Variants in TP73 observed in about 807,000 individuals in gnomAD.
The protein encoded by TP73 is tumor protein p73, also known as p53-like transcription factor.
TP73 carries 25 observed loss-of-function variants against 62.5 expected under a neutral mutation model. The ratio of observed to expected loss-of-function variants is 0.40; its 90% confidence interval spans 0.29 to 0.56. The LOEUF is 0.56. Among genes scored for constraint, TP73 ranks in the 20% least tolerant of loss-of-function variants. The pLI, the probability that TP73 is intolerant of heterozygous loss-of-function variation, is 0.46. For synonymous variants in TP73, 423 were observed against 377.5 expected (o/e 1.12, Z -1.40); for missense variants, 754 against 913.3 (o/e 0.83, Z 2.25).
intron 1 of TP73, among the ~76,000 whole-genome samples, chr1:3,674,491 C>A (rs544499537): frequency 2.6e-5 from 4 of 152,374 alleles, no homozygotes; most frequent in Admixed American, 2.6e-4. Flanking sequence ...TCCTCCTCAC[C>A]AGGCCCTGCG....
chr1:3,709,312 G>A (rs2368539), intron 4 of TP73, among the ~76,000 whole-genome samples: 144,101 of 152,288 alleles, frequency 0.95, 68,722 homozygotes, highest in African/African-American at 0.99. Flanking sequence ...CACCTCCTCC[G>A]GGGCCTCCCA....
In TP73 at chr1:3,701,506, CT is replaced by C. The variant is rs1557534585; in HGVS notation, c.187-6037del. ...CATCCTACGAAGTCCACGTTGATTT[CT>C]TTTTTGGTTTTTTTCGAGACAGAGT... On this transcript the variant is annotated intron_variant, in intron 3 of 13. Transcript: ENST00000378295. This position sits in a 1 kb window ranked among gnomAD's most constrained non-coding sequence, Gnocchi z 4.7. 6.6e-6 allele frequency among the ~76,000 whole-genome samples: 1 copy of C among 152,166 alleles called. No homozygotes were observed. The highest frequency in any genetic ancestry group is 2.1e-4 in the South Asian group (1 of 4,810).
intron 3 of TP73, chr1:3,698,240 T>C: frequency 2.0e-6 from 1 of 508,600 alleles, no homozygotes; most frequent in Non-Finnish European, 2.5e-6. Flanking sequence ...TCTGGGGTGC[T>C]GGCAGCAGGG....
At chr1:3,713,964 CA>C (rs1447224158) in intron 4 of TP73, among the ~76,000 whole-genome samples, 1 of 152,098 alleles carries the variant, frequency 6.6e-6, no homozygotes, top group Admixed American at 6.5e-5. Context: ...GGAAACCGCA[CA>C]GGGGGATTAC....
chr1:3,695,531 T>C (rs1356392531), intron 3 of TP73, among the ~76,000 whole-genome samples: 2 of 152,196 alleles, frequency 1.3e-5, no homozygotes, highest in Admixed American at 1.3e-4. Context: ...ACCCCTGTGC[T>C]GAGGAGCAGC....
chr1:3,685,643 C>T (rs144336793), intron 3 of TP73, among the ~76,000 whole-genome samples: 59 of 152,346 alleles, frequency 3.9e-4, no homozygotes, highest in African/African-American at 1.2e-3. Context: ...AGGGCGCCAA[C>T]GGGTGGGCTC....
At chr1:3,684,691 C>T (rs1484282083) in intron 3 of TP73, among the ~76,000 whole-genome samples, 3 of 152,082 alleles carry the variant, frequency 2.0e-5, no homozygotes, top group African/African-American at 7.2e-5. Context: ...GCCACAGTCC[C>T]GGGGGGTCAA....
intron 3 of TP73, among the ~76,000 whole-genome samples, 177 bp downstream of exon 3, chr1:3,683,357 G>A (rs1025796511): frequency 2.0e-5 from 3 of 152,174 alleles, no homozygotes; most frequent in Non-Finnish European, 1.5e-5. Flanking sequence ...TCATGTAACT[G>A]TCAATCCAGA....
chr1:3,698,529 A>G (rs1638869722), intron 3 of TP73, among the ~76,000 whole-genome samples: 1 of 152,074 alleles, frequency 6.6e-6, no homozygotes, highest in African/African-American at 2.4e-5. Flanking sequence ...CCTCTGGAGG[A>G]GGCCTCTCAG....
intron 6 of TP73, 40 bp downstream of exon 6, chr1:3,723,509 A>C: frequency 6.7e-5 from 69 of 1,031,712 alleles, no homozygotes; most frequent in Non-Finnish European, 8.9e-5. Context: ...CCCTGCAGTC[A>C]GCTGTACGGG....
intron 1 of TP73, among the ~76,000 whole-genome samples, chr1:3,676,454 G>C (rs1432742642): frequency 6.6e-6 from 1 of 150,726 alleles, no homozygotes; most frequent in Admixed American, 6.6e-5. Context: ...ACAGGGGACA[G>C]GGAGGGGATG....
rs1644777235 is a variant in TP73 at position 3,652,523 on chromosome 1, C to T, written c.-152C>T. The T allele has an allele frequency of 6.6e-6, 1 of 151,716 alleles. No individual in the cohort carries two copies. The highest frequency in any genetic ancestry group is 6.6e-5 in the Admixed American group (1 of 15,206). 9.4% of individuals were successfully genotyped at this position (151,716 alleles called of 1,614,324 possible). ...CTAGGGGCCGGGCAGCCCGCCCTGC[C>T]TCCCCGCCCGCGCACCCGCCCGGAG... On this transcript the variant is annotated 5_prime_UTR_variant, in exon 1 of 14. Transcript: ENST00000378295.
chr1:3,719,118 G>C (rs562642347), intron 4 of TP73, among the ~76,000 whole-genome samples: 64 of 152,112 alleles, frequency 4.2e-4, no homozygotes, highest in Admixed American at 3.5e-3. Context: ...GAGCCACCCC[G>C]GCCGGGGTCT....
chr1:3,733,399 G>A lies in TP73; in HGVS notation c.*320G>A, dbSNP rs367888625. ...GGCAGGCGTGGGTGGGGACCGCAGCGTCGGCTCCGACTTCCAGGCTTCATC... is the reference window on the plus strand; with the variant it reads ...GGCAGGCGTGGGTGGGGACCGCAGCATCGGCTCCGACTTCCAGGCTTCATC... On this transcript the variant is annotated 3_prime_UTR_variant, in exon 14 of 14. Transcript: ENST00000378295. The A allele has an allele frequency of 3.7e-4, 156 of 416,686 alleles. No individual in the cohort carries two copies. Among genetic ancestry groups the A allele is most frequent in the African/African-American group, 2.2e-3 (109 of 50,270 alleles). The allele number at this position is 416,686 out of a possible 1,614,324, so 25.8% of individuals were successfully genotyped here. A position where few individuals can be genotyped will look rare whatever the true frequency, so the allele number is the denominator to read the frequency against.
At chr1:3,673,321 G>GC (rs1356440840) in intron 1 of TP73, among the ~76,000 whole-genome samples, 2 of 152,194 alleles carry the variant, frequency 1.3e-5, no homozygotes, top group African/African-American at 2.4e-5. Context: ...CTGTCGCTCA[G>GC]CCTGGTGCCT....
At chr1:3,661,750 A>G (rs1247317507) in intron 1 of TP73, among the ~76,000 whole-genome samples, 1 of 147,258 alleles carries the variant, frequency 6.8e-6, no homozygotes, top group Non-Finnish European at 1.5e-5. Context: ...AATATGTATT[A>G]CATATATACA....
chr1:3,719,855 T>G (rs1478286261), intron 4 of TP73, among the ~76,000 whole-genome samples: 1 of 152,038 alleles, frequency 6.6e-6, no homozygotes, highest in Non-Finnish European at 1.5e-5. Flanking sequence ...GGCTGCTAGC[T>G]CTGCAAGGCT....
chr1:3,691,365 T>C (rs1304927026), intron 3 of TP73, among the ~76,000 whole-genome samples: 6 of 152,134 alleles, frequency 3.9e-5, no homozygotes, highest in African/African-American at 1.4e-4. Context: ...TCTTTGCTCC[T>C]GGGCTTGGGT....
At chr1:3,676,989 T>C (rs1445610858) in intron 1 of TP73, among the ~76,000 whole-genome samples, 1 of 150,188 alleles carries the variant, frequency 6.7e-6, no homozygotes, top group Non-Finnish European at 1.5e-5. Flanking sequence ...CCTCTGGGGG[T>C]GGAACTGCCC....
Sources: gnomAD v4.1 joint callset for allele counts (sites outside exome capture counted in the v4.1 genomes callset) on GRCh38, gnomAD v4.1.1 for gene constraint, Gnocchi (gnomAD v3.1) non-coding constraint, MANE v1.5 for transcripts, NCBI Gene and HGNC (gene_info 2026-07-23, HGNC 2026-07-21) for gene names.